Variants in CCDC102B observed in about 807,000 individuals in gnomAD.
CCDC102B encodes coiled-coil domain containing 102B, also known as coiled-coil domain-containing protein 102B.
A neutral mutation model predicts 57.4 loss-of-function variants in CCDC102B; 75 were observed. That is an observed-to-expected ratio of 1.31 (90% confidence interval 1.08 to 1.58). The LOEUF (loss-of-function observed/expected upper bound fraction) is 1.58, where lower values mean the gene tolerates loss of function less well. Among genes scored for constraint, CCDC102B ranks in the 40% most tolerant of loss-of-function variants. CCDC102B has a pLI of 0.00. For synonymous variants in CCDC102B, 206 were observed against 201.9 expected (o/e 1.02, Z -0.17); for missense variants, 636 against 582.6 (o/e 1.09, Z -0.94).
In CCDC102B at chr18:68,836,995, C is replaced by G; in HGVS notation, c.232C>G (p.Leu78Val). 1 of 1,614,106 alleles carries G rather than the reference C, an allele frequency of 6.2e-7. No individual in the cohort carries two copies. Among genetic ancestry groups the G allele is most frequent in the South Asian group, 1.1e-5 (1 of 91,086 alleles). ...DICEELRLRE[L>V]EEVKARAAQM... ...TTGTGAAGAACTTCGCCTGCGGGAG[C>G]TTGAAGAAGTCAAGGCCAGAGCTGC... Residue 78 changes from leucine (L) to valine (V), a missense_variant, in exon 2 of 8, where the codon CTT becomes GTT. Transcript: ENST00000360242.
At chr18:68,785,916 T>C (rs892511469) in intron 2 of CCDC102B, among the ~76,000 whole-genome samples, 5 of 151,426 alleles carry the variant, frequency 3.3e-5, no homozygotes, top group African/African-American at 1.2e-4. Flanking sequence ...GCCTATGTCC[T>C]GAATGGTAAA....
chr18:68,938,134 T>A (rs2145159741), intron 6 of CCDC102B, among the ~76,000 whole-genome samples: 1 of 152,082 alleles, frequency 6.6e-6, no homozygotes, highest in Admixed American at 6.6e-5. Flanking sequence ...ATTTATACAA[T>A]TGAGACAATG....
intron 5 of CCDC102B, among the ~76,000 whole-genome samples, chr18:68,886,893 G>T (rs1447969543): frequency 1.3e-5 from 2 of 151,774 alleles, no homozygotes; most frequent in Non-Finnish European, 2.9e-5. Context: ...TTAATAATCT[G>T]CTCTTAGAAA....
In CCDC102B at chr18:68,762,517, T is replaced by A. The variant is rs185326017; in HGVS notation, c.-67+45923T>A. Among the ~76,000 whole-genome samples the A allele has an allele frequency of 3.3e-5, 5 of 152,258 alleles. No individual in the cohort carries two copies. The East Asian group carries it at 7.7e-4, about 24-fold the overall frequency. On this transcript the variant is annotated intron_variant, in intron 2 of 3. Transcript: ENST00000578970. ...TGTCATGGTATTCCAGAGCTTGTGTTCAGGTAACCCTTGTTTTTCTTAATG... is the reference window on the plus strand; with the variant it reads ...TGTCATGGTATTCCAGAGCTTGTGTACAGGTAACCCTTGTTTTTCTTAATG...
At chr18:68,716,153 G>A (rs754995032) in intron 1 of CCDC102B, among the ~76,000 whole-genome samples, 2 of 150,432 alleles carry the variant, frequency 1.3e-5, no homozygotes. Context: ...AGACTAAAAC[G>A]TAAGGGGACT....
At chr18:68,996,229 A>C (rs907841456) in intron 6 of CCDC102B, among the ~76,000 whole-genome samples, 5 of 152,182 alleles carry the variant, frequency 3.3e-5, no homozygotes, top group Non-Finnish European at 5.9e-5. Flanking sequence ...GCAGAGGAAC[A>C]TGGAAGGACC....
chr18:68,731,846 C>A (rs944207746), intron 2 of CCDC102B, among the ~76,000 whole-genome samples: 1 of 146,924 alleles, frequency 6.8e-6, no homozygotes, highest in Non-Finnish European at 1.5e-5. Flanking sequence ...ATTTCTACTT[C>A]AGTAAAAGTA....
intron 6 of CCDC102B, among the ~76,000 whole-genome samples, chr18:68,967,342 C>T (rs868653795): frequency 3.3e-5 from 5 of 152,052 alleles, no homozygotes; most frequent in African/African-American, 9.7e-5. Flanking sequence ...AAATAACTAA[C>T]TTGGTGCTCA....
chr18:68,918,882 C>T lies in CCDC102B; in HGVS notation c.1263+21454C>T, dbSNP rs779767406. Among the ~76,000 whole-genome samples the T allele has an allele frequency of 2.0e-5, 3 of 151,906 alleles. No individual in the cohort carries two copies. In the South Asian group the frequency reaches 6.2e-4, roughly 32 times the overall value. On this transcript the variant is annotated intron_variant, in intron 6 of 7. Transcript: ENST00000360242. ...AAAATAAACTTCCCTTTAAGAAAAA[C>T]CAGAGAATTGATGTCTTATTTTGTT... is the stretch of plus-strand genomic sequence containing the variant.
chr18:69,008,081 T>A (rs919533444), intron 6 of CCDC102B, among the ~76,000 whole-genome samples: 2 of 152,262 alleles, frequency 1.3e-5, no homozygotes, highest in African/African-American at 4.8e-5. Flanking sequence ...TGCAAAGTTA[T>A]AACTTTCCCA....
intron 2 of CCDC102B, among the ~76,000 whole-genome samples, chr18:68,762,099 T>C (rs1197995087): frequency 6.6e-6 from 1 of 152,162 alleles, no homozygotes; most frequent in African/African-American, 2.4e-5. Context: ...CCACAGTTTT[T>C]GTTACGCACA....
chr18:68,983,297 G>T (rs1216832579), intron 6 of CCDC102B, among the ~76,000 whole-genome samples: 1 of 151,446 alleles, frequency 6.6e-6, no homozygotes, highest in Admixed American at 6.6e-5. Flanking sequence ...ATGGACATTT[G>T]GCAGTTGACC....
intron 6 of CCDC102B, chr18:68,899,664 G>A (rs751013160): frequency 7.2e-5 from 11 of 152,108 alleles, no homozygotes; most frequent in Admixed American, 1.3e-4. Context: ...ATAAAGCTAC[G>A]TGCTACTCAT....
At chr18:68,776,464 C>T (rs1179324473) in intron 2 of CCDC102B, among the ~76,000 whole-genome samples, 7 of 152,134 alleles carry the variant, frequency 4.6e-5, no homozygotes, top group Admixed American at 4.6e-4. Context: ...TACATATACA[C>T]CACGGAATAC....
intron 2 of CCDC102B, 21 bp downstream of exon 2, chr18:68,837,390 T>C (rs1242826125): frequency 1.3e-6 from 2 of 1,588,494 alleles, no homozygotes; most frequent in South Asian, 2.3e-5. Flanking sequence ...AATCCAGAGA[T>C]GATGTGAATT....
At chr18:68,778,766 G>A (rs2034906171) in intron 2 of CCDC102B, among the ~76,000 whole-genome samples, 1 of 151,650 alleles carries the variant, frequency 6.6e-6, no homozygotes, top group Non-Finnish European at 1.5e-5. Flanking sequence ...CAGGGCATGG[G>A]AACTGCTTTG....
chr18:68,769,653 G>A (rs2034576429), intron 2 of CCDC102B, among the ~76,000 whole-genome samples: 1 of 151,990 alleles, frequency 6.6e-6, no homozygotes, highest in South Asian at 2.1e-4. Context: ...AAACTCACTG[G>A]CAGCTAGGCA....
Position 69,054,535 on chromosome 18 carries a change from T to G in CCDC102B, c.*398T>G. Reference sequence around the variant, plus strand: ...AGTATAAAGTACTGGTTTGTTTAAATAATTGGTAAACTTTTATGTACGTGT... The same window carrying G: ...AGTATAAAGTACTGGTTTGTTTAAAGAATTGGTAAACTTTTATGTACGTGT... On this transcript the variant is annotated 3_prime_UTR_variant, in exon 8 of 8. Transcript: ENST00000360242. The G allele has an allele frequency of 1.0e-6, 1 of 991,060 alleles. No homozygotes were observed. The highest frequency in any genetic ancestry group is 1.2e-6 in the Non-Finnish European group (1 of 834,040). The allele number at this position is 991,060 out of a possible 1,614,324, so 61.4% of individuals were successfully genotyped here.
chr18:68,878,571 C>A (rs753490747), intron 5 of CCDC102B, among the ~76,000 whole-genome samples: 2 of 152,070 alleles, frequency 1.3e-5, no homozygotes, highest in East Asian at 1.9e-4. Context: ...AAAAAAGAGA[C>A]CCCAGAGAGT....
Sources: gnomAD v4.1 joint callset for allele counts (sites outside exome capture counted in the v4.1 genomes callset) on GRCh38, gnomAD v4.1.1 for gene constraint, MANE v1.5 for transcripts, NCBI Gene and HGNC (gene_info 2026-07-23, HGNC 2026-07-21) for gene names.